Variants in DLG2 observed in about 807,000 individuals in gnomAD.
The protein encoded by DLG2 is discs large MAGUK scaffold protein 2.
In DLG2, 45 loss-of-function variants were observed where a neutral mutation model predicts 132.5. The observed-to-expected ratio is 0.34, with a 90% CI of 0.27 to 0.44. The LOEUF is 0.44. Ranked by LOEUF, DLG2 falls within the 20% of genes least tolerant of loss-of-function variation. The probability of loss-of-function intolerance (pLI) is 1.00; values close to 1 mark genes in which losing one functional copy is unlikely to be tolerated. For synonymous variants in DLG2, 424 were observed against 419.6 expected (o/e 1.01, Z -0.13); for missense variants, 1,045 against 1,196.9 (o/e 0.87, Z 1.87).
chr11:84,738,531 T>C (rs529054923), intron 6 of DLG2, among the ~76,000 whole-genome samples: 1 of 152,276 alleles, frequency 6.6e-6, no homozygotes, highest in South Asian at 2.1e-4. Context: ...ACACCTCCTA[T>C]ATGTTGCTAT....
At chr11:85,427,273 G>C (rs2090830676) in intron 3 of DLG2, among the ~76,000 whole-genome samples, 1 of 152,118 alleles carries the variant, frequency 6.6e-6, no homozygotes, top group Non-Finnish European at 1.5e-5. Context: ...GAAATACAGA[G>C]AAAGCCACAA....
intron 20 of DLG2, among the ~76,000 whole-genome samples, chr11:83,539,590 T>C (rs2096000491): frequency 6.6e-6 from 1 of 151,648 alleles, no homozygotes; most frequent in African/African-American, 2.4e-5. Flanking sequence ...ATTTTGAAAA[T>C]AATTAAAATC....
chr11:85,049,717 A>T (rs564062412), intron 6 of DLG2, among the ~76,000 whole-genome samples: 1 of 152,242 alleles, frequency 6.6e-6, no homozygotes, highest in South Asian at 2.1e-4. Flanking sequence ...TATTCTTTAC[A>T]AGAACTATTA....
intron 3 of DLG2, among the ~76,000 whole-genome samples, chr11:85,552,436 G>T (rs1239152178): frequency 6.6e-6 from 1 of 151,010 alleles, no homozygotes; most frequent in Non-Finnish European, 1.5e-5. Context: ...TTACCAAAAG[G>T]GAGTATCAGT....
Position 85,598,717 on chromosome 11 carries a change from T to C in DLG2, c.-21A>G. On this transcript the variant is annotated 5_prime_UTR_variant, in exon 3 of 28. Coordinates refer to ENST00000376104, the MANE Select transcript of DLG2 (RefSeq NM_001142699.3). ...CCCATCACCTTTTTAACCGCATTTT[T>C]CAACAGCTGCTCCTCTGGTTTCCTT... The C allele has an allele frequency of 6.3e-7, 1 of 1,580,964 alleles. No individual in the cohort carries two copies. The highest frequency in any genetic ancestry group is 8.6e-7 in the Non-Finnish European group (1 of 1,165,840).
chr11:84,807,414 C>A (rs1188605419), intron 6 of DLG2, among the ~76,000 whole-genome samples: 2 of 151,834 alleles, frequency 1.3e-5, no homozygotes, highest in African/African-American at 4.8e-5. Flanking sequence ...CCATTGCACT[C>A]CAGCCTGGGC....
intron 17 of DLG2, chr11:83,791,207 T>A (rs1363534114): frequency 1.6e-6 from 1 of 641,060 alleles, no homozygotes; most frequent in Non-Finnish European, 2.8e-6. Flanking sequence ...GGTGGCCTTA[T>A]CGGCCTCTGA....
chr11:84,740,051 T>C (rs1374625609), intron 6 of DLG2, among the ~76,000 whole-genome samples: 5 of 151,704 alleles, frequency 3.3e-5, no homozygotes, highest in African/African-American at 1.2e-4. Context: ...GTTCAGAAAT[T>C]GGGAAGTTAT....
intron 6 of DLG2, among the ~76,000 whole-genome samples, chr11:84,796,343 T>C (rs920418978): frequency 1.2e-4 from 18 of 152,236 alleles, no homozygotes; most frequent in African/African-American, 4.3e-4. Flanking sequence ...TGTCTTACTG[T>C]ATTGTCTATG....
chr11:83,759,025 T>C (rs565259473), intron 18 of DLG2, among the ~76,000 whole-genome samples: 1 of 152,316 alleles, frequency 6.6e-6, no homozygotes, highest in East Asian at 1.9e-4. Flanking sequence ...CTTCATTCAT[T>C]CAATCAATGA....
At chr11:84,059,623 C>T in intron 10 of DLG2, 139 bp from the exon 11 acceptor site, 3 of 719,594 alleles carry the variant, frequency 4.2e-6, no homozygotes, top group East Asian at 3.0e-5. Context: ...TGGAAGGATG[C>T]TTCAAATGAA....
rs772013009 is a variant in DLG2, at chr11:84,166,925, T to G, written c.574-3414A>C. On this transcript the variant is annotated intron_variant, in intron 8 of 27. Coordinates refer to ENST00000376104, the MANE Select transcript of DLG2 (RefSeq NM_001142699.3). ...TCGGCCGAATACATTTTTTTTCTTG[T>G]ACAGTAACACTTACGGTAATATTTA... is the stretch of plus-strand genomic sequence containing the variant. 1.1e-5 allele frequency: 6 copies of G among 533,178 alleles called. No individual in the cohort carries two copies. The East Asian group carries it at 2.7e-4, about 24-fold the overall frequency. 33.0% of individuals were successfully genotyped at this position (533,178 alleles called of 1,614,324 possible). A position where few individuals can be genotyped will look rare whatever the true frequency, so the allele number is the denominator to read the frequency against.
intron 17 of DLG2, among the ~76,000 whole-genome samples, chr11:83,825,268 G>A (rs1300823126): frequency 1.6e-4 from 23 of 141,376 alleles, no homozygotes; most frequent in Admixed American, 1.5e-3. Flanking sequence ...CGCAACCTCC[G>A]CCTCCCAGGT....
At chr11:83,503,207 A>T (rs1404688777) in intron 21 of DLG2, among the ~76,000 whole-genome samples, 1 of 151,370 alleles carries the variant, frequency 6.6e-6, no homozygotes, top group African/African-American at 2.4e-5. Context: ...AATATTAAAT[A>T]GACCATTATT....
At chr11:84,673,048 A>G (rs946462321) in intron 6 of DLG2, among the ~76,000 whole-genome samples, 1 of 152,028 alleles carries the variant, frequency 6.6e-6, no homozygotes, top group East Asian at 1.9e-4. Flanking sequence ...TCATAAAAAT[A>G]GCACCAAGGG....
At chr11:83,732,314 A>T (rs916503082) in intron 18 of DLG2, among the ~76,000 whole-genome samples, 5 of 152,124 alleles carry the variant, frequency 3.3e-5, no homozygotes, top group African/African-American at 1.2e-4. Flanking sequence ...TTTGGGTAAC[A>T]TTCTCCCCTT....
chr11:84,219,599 T>C (rs894767408), intron 8 of DLG2, among the ~76,000 whole-genome samples: 1 of 152,248 alleles, frequency 6.6e-6, no homozygotes, highest in African/African-American at 2.4e-5. Context: ...TACTGACCTA[T>C]ATTTTTTCAC....
intron 6 of DLG2, among the ~76,000 whole-genome samples, chr11:84,774,815 C>T (rs1195602975): frequency 2.0e-5 from 3 of 151,926 alleles, no homozygotes; most frequent in African/African-American, 7.2e-5. Flanking sequence ...AATGTAAGAC[C>T]TTAAACTCTA....
At chr11:83,916,331 T>C (rs1447639303) in intron 15 of DLG2, among the ~76,000 whole-genome samples, 1 of 152,170 alleles carries the variant, frequency 6.6e-6, no homozygotes, top group East Asian at 1.9e-4. Flanking sequence ...TTTTTGTTTT[T>C]TGAGACAAAA....
Sources: allele counts gnomAD v4.1 joint callset (sites outside exome capture counted in the v4.1 genomes callset), GRCh38; gene constraint gnomAD v4.1.1; transcripts MANE v1.5; gene names NCBI Gene and HGNC (gene_info 2026-07-23, HGNC 2026-07-21).